The following CAPG variants were observed in gnomAD, a reference collection of about 807,000 sequenced individuals.
The protein encoded by CAPG is macrophage-capping protein.
CAPG carries 32 observed loss-of-function variants against 44.6 expected under a neutral mutation model. The ratio of observed to expected loss-of-function variants is 0.72; its 90% CI spans 0.54 to 0.96. CAPG has a LOEUF of 0.96. Among genes scored for constraint, CAPG ranks in the 50% least tolerant of loss-of-function variants. CAPG has a pLI of 0.00. For missense variants in CAPG, 412 were observed against 438.3 expected, an observed-to-expected ratio of 0.94 and a Z score of 0.54; for synonymous variants, 175 against 179.6, an observed-to-expected ratio of 0.97 and a Z score of 0.20.
intron 5 of CAPG, among the ~76,000 whole-genome samples, chr2:85,399,552 G>A (rs1483200944): frequency 6.6e-6 from 1 of 151,888 alleles, no homozygotes; most frequent in Non-Finnish European, 1.5e-5. Context: ...GTGCAAAGAC[G>A]TGATCATGGC....
chr2:85,401,846 C>T lies in CAPG; in HGVS notation c.135G>A (p.Gly45=). 1 of 1,614,094 alleles carries T rather than the reference C, an allele frequency of 6.2e-7. No homozygotes were observed. The highest frequency in any genetic ancestry group is 8.5e-7 in the Non-Finnish European group (1 of 1,179,994). The change falls in exon 3 of 10, where the codon GGG becomes GGA. Residue 45 remains glycine (G), a synonymous_variant. Coordinates refer to ENST00000263867, the MANE Select transcript of CAPG (RefSeq NM_001747.4). ...AQENQGVFFS[G]DSYLVLHNGP... is the part of the protein sequence containing the mutation. Reference sequence around the variant, plus strand: ...CATTGTGCAGCACTAGGTAGGAGTCCCCCGAGAAGAAGACGCCCTGGTTCT... The same window carrying T: ...CATTGTGCAGCACTAGGTAGGAGTCTCCCGAGAAGAAGACGCCCTGGTTCT...
At position 85,401,966 on chromosome 2, in the gene CAPG, A is replaced by G. The variant is rs1686922909; in HGVS notation, c.24-9T>C. The G allele has an allele frequency of 6.2e-7, 1 of 1,613,948 alleles. No individual in the cohort carries two copies. Among genetic ancestry groups the G allele is most frequent in the Non-Finnish European group, 8.5e-7 (1 of 1,179,962 alleles). ...CTGGGAATGGAGAGCCACTGCGAGA[A>G]GAGAGAGGGTTGACAGCAGCCTGGA... On this transcript the variant is annotated splice_polypyrimidine_tract_variant and intron_variant, in intron 2 of 9. Coordinates refer to ENST00000263867, the MANE Select transcript of CAPG (RefSeq NM_001747.4).
chr2:85,399,304 G>C lies in CAPG; in HGVS notation c.517-19C>G, dbSNP rs780654992. 4 of 1,612,864 alleles carry C rather than the reference G, an allele frequency of 2.5e-6. No individual in the cohort carries two copies. Among genetic ancestry groups the C allele is most frequent in the Non-Finnish European group, 3.4e-6 (4 of 1,179,498 alleles). ...AGATGTTCTGCAAGGAAGCAGGAAA[G>C]TCCGGGTCAGAGCCAGATGCCTGTG... On this transcript the variant is annotated intron_variant, in intron 5 of 9. Coordinates refer to ENST00000263867, the MANE Select transcript of CAPG (RefSeq NM_001747.4).
chr2:85,404,281 A>G (rs1010879705), intron 1 of CAPG, among the ~76,000 whole-genome samples: 14 of 152,066 alleles, frequency 9.2e-5, no homozygotes, highest in African/African-American at 3.4e-4. Flanking sequence ...CGCAAAAAAA[A>G]AAAAAACAGG....
In CAPG at chr2:85,395,482, CA is replaced by C. The variant is rs886949621; in HGVS notation, c.981+55del. On this transcript the variant is annotated intron_variant, in intron 9 of 9. Transcript: ENST00000263867. The surrounding 1 kb of genome is among the most constrained non-coding windows in gnomAD (Gnocchi z 4.3). ...GCCCTTCCTGGCCAATTTGAGGGGT[CA>C]GGGGCCACAGGAAGAGCCCTAGGAA... The C allele has an allele frequency of 2.1e-6, 3 of 1,457,778 alleles. No homozygotes were observed. Among genetic ancestry groups the C allele is most frequent in the African/African-American group, 2.8e-5 (2 of 71,862 alleles). The allele number at this position is 1,457,778 out of a possible 1,614,324, so 90.3% of individuals were successfully genotyped here.
chr2:85,408,338 TCACACACACACACA>T lies in CAPG; in HGVS notation c.-14+1965_-14+1978del, dbSNP rs71390065. On this transcript the variant is annotated intron_variant, in intron 1 of 9. Coordinates refer to ENST00000263867, the MANE Select transcript of CAPG (RefSeq NM_001747.4). ...GCCTGGGCAACAGAGGAAGAATCTG[TCACACACACACACA>T]CACACACACACACACACACACACAC... Among the ~76,000 whole-genome samples the T allele has an allele frequency of 1.1e-3, 148 of 129,574 alleles. 1 individual carries two copies. In the East Asian group the frequency reaches 0.017, roughly 15 times the overall value. The allele number at this position is 129,574 out of a possible 152,430, so 85.0% of individuals were successfully genotyped here.
At chr2:85,411,058 G>C (rs781683190), upstream of CAPG, among the ~76,000 whole-genome samples, 3 of 151,914 alleles carry the variant, frequency 2.0e-5, no homozygotes, top group Non-Finnish European at 4.4e-5. Context: ...ACAGAGTCTT[G>C]CTACTCAGGC....
Position 85,395,472 on chromosome 2 carries a change from T to G in CAPG, c.981+66A>C. On this transcript the variant is annotated intron_variant, in intron 9 of 9. Coordinates refer to ENST00000263867, the MANE Select transcript of CAPG (RefSeq NM_001747.4). This position sits in a 1 kb window ranked among gnomAD's most constrained non-coding sequence, Gnocchi z 4.3. ...AGGCTCTCCTGCCCTTCCTGGCCAA[T>G]TTGAGGGGTCAGGGGCCACAGGAAG... 2.2e-6 allele frequency: 3 copies of G among 1,367,690 alleles called. No homozygotes were observed. The highest frequency in any genetic ancestry group is 1.2e-5 in the South Asian group (1 of 83,194). 84.7% of individuals were successfully genotyped at this position (1,367,690 alleles called of 1,614,324 possible). A position where few individuals can be genotyped will look rare whatever the true frequency, so the allele number is the denominator to read the frequency against.
At chr2:85,399,985 C>A (rs1686805443) in intron 5 of CAPG, among the ~76,000 whole-genome samples, 1 of 152,144 alleles carries the variant, frequency 6.6e-6, no homozygotes, top group Non-Finnish European at 1.5e-5. Flanking sequence ...AGGTGATCTG[C>A]CCACCTCGGC....
At chr2:85,398,386 T>G (rs1686710078) in intron 7 of CAPG, 2 of 588,206 alleles carry the variant, frequency 3.4e-6, no homozygotes, top group South Asian at 2.1e-5. Flanking sequence ...ATTTGGAAAT[T>G]AGGTGGATTC....
At chr2:85,402,552 C>T (rs1005038148) in intron 1 of CAPG, among the ~76,000 whole-genome samples, 4 of 151,278 alleles carry the variant, frequency 2.6e-5, no homozygotes, top group East Asian at 2.0e-4. Flanking sequence ...CTGCAACCTC[C>T]GCCTCCCGGG....
upstream of CAPG, among the ~76,000 whole-genome samples, chr2:85,414,733 C>T (rs1687514018): frequency 6.6e-6 from 1 of 152,120 alleles, no homozygotes; most frequent in Admixed American, 6.5e-5. Context: ...CACCCAACTG[C>T]TGAACCAGGA....
chr2:85,397,117 T>A (rs978821170), intron 8 of CAPG, among the ~76,000 whole-genome samples: 1 of 152,182 alleles, frequency 6.6e-6, no homozygotes, highest in Admixed American at 6.5e-5. Flanking sequence ...TAAAATGATG[T>A]TTAATTTGTC....
chr2:85,397,704 A>AAAGAAAGAAAGAAAGAAAGAAAG (rs1686667202), intron 8 of CAPG, among the ~76,000 whole-genome samples: 1 of 149,130 alleles, frequency 6.7e-6, no homozygotes, highest in Non-Finnish European at 1.5e-5. Context: ...TTCCTTCTCA[A>AAAGAAAGAAAGAAAGAAAGAAAG]AAAGAAAGAA....
downstream of CAPG, among the ~76,000 whole-genome samples, chr2:85,394,341 G>A (rs1056270381): frequency 6.6e-6 from 1 of 152,262 alleles, no homozygotes; most frequent in Non-Finnish European, 1.5e-5. Context: ...TGGGCAATGT[G>A]CCTACGAAGT....
At chr2:85,412,122 C>A (rs1256230540), upstream of CAPG, among the ~76,000 whole-genome samples, 1 of 151,788 alleles carries the variant, frequency 6.6e-6, no homozygotes, top group African/African-American at 2.4e-5. Context: ...GATAAAATTT[C>A]ACTAGAGCAA....
At chr2:85,392,705 C>T (rs1686430632), downstream of CAPG, among the ~76,000 whole-genome samples, 1 of 152,168 alleles carries the variant, frequency 6.6e-6, no homozygotes, top group African/African-American at 2.4e-5. Flanking sequence ...CTGAACTAAC[C>T]CCTTCATTCA....
chr2:85,405,729 A>G (rs58258449), intron 1 of CAPG, among the ~76,000 whole-genome samples: 16,893 of 152,192 alleles, frequency 0.11, 1,069 homozygotes, highest in Non-Finnish European at 0.14. Flanking sequence ...CGATTCCGGA[A>G]GAGGACATGC....
In CAPG at chr2:85,402,175, A is replaced by G. The variant is rs763462905; in HGVS notation, c.-13-17T>C. On this transcript the variant is annotated splice_polypyrimidine_tract_variant and intron_variant, in intron 1 of 9. Transcript: ENST00000263867. The stretch of plus-strand genomic sequence containing the variant: ...TCTTCAGATCTGGAAAGAAAGAAGA[A>G]GCCATTATTATTACAAATGCCACAA... 4 of 1,583,066 alleles carry G rather than the reference A, an allele frequency of 2.5e-6. No homozygotes were observed. Among genetic ancestry groups the G allele is most frequent in the East Asian group, 2.3e-5 (1 of 43,558 alleles).
Sources: gnomAD v4.1 joint callset for allele counts (sites outside exome capture counted in the v4.1 genomes callset) on GRCh38, gnomAD v4.1.1 for gene constraint, Gnocchi (gnomAD v3.1) non-coding constraint, MANE v1.5 for transcripts, NCBI Gene and HGNC (gene_info 2026-07-23, HGNC 2026-07-21) for gene names.